THUMPD3: variants seen among roughly 807,000 people sequenced by gnomAD.
THUMPD3 encodes tRNA (guanine(6)-N(2))-methyltransferase THUMP3.
THUMPD3 carries 44 observed loss-of-function variants against 54.5 expected under a neutral mutation model. The observed-to-expected ratio is 0.81, with a 90% CI of 0.63 to 1.04. The LOEUF (loss-of-function observed/expected upper bound fraction) is 1.04, where lower values mean the gene tolerates loss of function less well. Ranked by LOEUF, THUMPD3 falls within the 50% of genes least tolerant of loss-of-function variation. THUMPD3 has a pLI of 0.00. For synonymous variants in THUMPD3, 196 were observed against 201.4 expected (o/e 0.97, Z 0.23); for missense variants, 604 against 601.3 (o/e 1.00, Z -0.05).
In THUMPD3 at chr3:9,384,811, C is replaced by T. The variant is rs1353138116; in HGVS notation, c.*123C>T. Reference sequence around the variant, plus strand: ...TTTAAACCTGTTTAAGGCTCTTCATCCTGGTTAGCAAAAGGTGTGAATGTA... The same window carrying T: ...TTTAAACCTGTTTAAGGCTCTTCATTCTGGTTAGCAAAAGGTGTGAATGTA... On this transcript the variant is annotated 3_prime_UTR_variant, in exon 10 of 10. Coordinates refer to ENST00000452837, the MANE Select transcript of THUMPD3 (RefSeq NM_001114092.2). 1 of 1,131,944 alleles carries T rather than the reference C, an allele frequency of 8.8e-7. No homozygotes were observed. Among genetic ancestry groups the T allele is most frequent in the Non-Finnish European group, 1.2e-6 (1 of 800,532 alleles). The allele number at this position is 1,131,944 out of a possible 1,614,324, so 70.1% of individuals were successfully genotyped here. A position where few individuals can be genotyped will look rare whatever the true frequency, so the allele number is the denominator to read the frequency against.
intron 1 of THUMPD3, among the ~76,000 whole-genome samples, chr3:9,364,726 G>A (rs566945859): frequency 4.6e-5 from 7 of 152,352 alleles, no homozygotes; most frequent in East Asian, 1.9e-4. Context: ...AGTTTCTGTC[G>A]TAGTTATGAA....
chr3:9,384,736 A>G lies in THUMPD3; in HGVS notation c.*48A>G, dbSNP rs2033213612. 1.9e-6 allele frequency: 3 copies of G among 1,606,310 alleles called. No individual in the cohort carries two copies. Among genetic ancestry groups the G allele is most frequent in the Non-Finnish European group, 2.6e-6 (3 of 1,174,728 alleles). On this transcript the variant is annotated 3_prime_UTR_variant, in exon 10 of 10. Transcript: ENST00000452837. The stretch of plus-strand genomic sequence containing the variant: ...TTCCCACCACTGGAAATGTTAGCAT[A>G]AAAGAACTTGGAGAGGAAAAAAGTA...
chr3:9,384,510 T>TG lies in THUMPD3; in HGVS notation c.1360-14_1360-13insG, dbSNP rs374845228. On this transcript the variant is annotated splice_polypyrimidine_tract_variant and intron_variant, in intron 9 of 9. Transcript: ENST00000452837. ...ATTGTCAACCTAATTGTTATTTTTT[T>TG]TGTGTGTACACAGGCGTTATCTGGA... 188 of 1,613,882 alleles carry TG rather than the reference T, an allele frequency of 1.2e-4. No individual in the cohort carries two copies. The African/African-American group carries it at 2.3e-3, about 19-fold the overall frequency.
intron 4 of THUMPD3, among the ~76,000 whole-genome samples, chr3:9,373,827 C>T (rs556778209): frequency 2.2e-4 from 33 of 152,216 alleles, no homozygotes; most frequent in African/African-American, 7.9e-4. Context: ...TGTCCTCCCA[C>T]CTCAGCCTCC....
rs1225626248 is a variant in THUMPD3, at chr3:9,374,754, G to C, written c.938+108G>C. ...GTGTTTGAGGTACTGTGTTGGAATA[G>C]AGTGGATAAAGAATAGAATGGAAAG... is the stretch of plus-strand genomic sequence containing the variant. On this transcript the variant is annotated intron_variant, in intron 5 of 9. Coordinates refer to ENST00000452837, the MANE Select transcript of THUMPD3 (RefSeq NM_001114092.2). The C allele has an allele frequency of 9.4e-5, 118 of 1,261,690 alleles. No individual in the cohort carries two copies. In the East Asian group the frequency reaches 2.7e-3, roughly 28 times the overall value. 78.2% of individuals were successfully genotyped at this position (1,261,690 alleles called of 1,614,324 possible).
rs917257950 is a variant in THUMPD3, at chr3:9,384,916, T to C, written c.*228T>C. 16 of 486,982 alleles carry C rather than the reference T, an allele frequency of 3.3e-5. No individual in the cohort carries two copies. The highest frequency in any genetic ancestry group is 1.4e-4 in the African/African-American group (7 of 51,416). The allele number at this position is 486,982 out of a possible 1,614,324, so 30.2% of individuals were successfully genotyped here. The stretch of plus-strand genomic sequence containing the variant: ...ATTCCAGCAGTTTAGGAAGCCGAAG[T>C]GTGCAGATCACCTGAGGTCCGGAGA... On this transcript the variant is annotated 3_prime_UTR_variant, in exon 10 of 10. Coordinates refer to ENST00000452837, the MANE Select transcript of THUMPD3 (RefSeq NM_001114092.2).
intron 2 of THUMPD3, among the ~76,000 whole-genome samples, chr3:9,366,573 A>G (rs1327684630): frequency 1.3e-5 from 2 of 152,180 alleles, no homozygotes; most frequent in Non-Finnish European, 1.5e-5. Flanking sequence ...GCTTTTAACC[A>G]TTGCAGCATA....
rs773373871 is a variant in THUMPD3 at position 9,384,281 on chromosome 3, A to G, written c.1305A>G (p.Thr435=). The G allele has an allele frequency of 3.1e-6, 5 of 1,614,048 alleles. No individual in the cohort carries two copies. The East Asian group carries it at 8.9e-5, about 29-fold the overall frequency. ...ACLREMSRVC[T]PTTGRAVLLT... ...TACGGGAGATGAGCCGTGTCTGCAC[A>G]CCTACCACAGGCCGAGCTGTACTAC... is the stretch of plus-strand genomic sequence containing the variant. Residue 435 remains threonine, a synonymous_variant, in exon 9 of 10, where the codon ACA becomes ACG. Coordinates refer to ENST00000452837, the MANE Select transcript of THUMPD3 (RefSeq NM_001114092.2).
chr3:9,376,707 T>C (rs186303928), intron 5 of THUMPD3, among the ~76,000 whole-genome samples: 3 of 152,240 alleles, frequency 2.0e-5, no homozygotes, highest in Admixed American at 6.5e-5. Context: ...ATGAAAAGAT[T>C]AGAAGAACAA....
chr3:9,374,311 A>C (rs536097700), intron 4 of THUMPD3, among the ~76,000 whole-genome samples: 1 of 152,256 alleles, frequency 6.6e-6, no homozygotes, highest in African/African-American at 2.4e-5. Context: ...TAAATGTCTT[A>C]ACTTTTTAGA....
At chr3:9,380,162 G>C (rs903584141) in intron 6 of THUMPD3, among the ~76,000 whole-genome samples, 1 of 152,168 alleles carries the variant, frequency 6.6e-6, no homozygotes, top group Non-Finnish European at 1.5e-5. Context: ...TCCCAGGTTA[G>C]TTGAGAGGCA....
chr3:9,371,116 C>G lies in THUMPD3; in HGVS notation c.387C>G (p.Pro129=). 6.2e-7 allele frequency: 1 copy of G among 1,607,082 alleles called. No individual in the cohort carries two copies. Among genetic ancestry groups the G allele is most frequent in the Non-Finnish European group, 8.5e-7 (1 of 1,178,490 alleles). Residue 129 remains proline, a synonymous_variant, in exon 4 of 10, where the codon CCC becomes CCG. Transcript: ENST00000452837. ...CTGGAAAACTCCCATGGTCAAACCCCTTAAAAGTGTGGAAAATTAATGCCA... is the reference window on the plus strand; with the variant it reads ...CTGGAAAACTCCCATGGTCAAACCCGTTAAAAGTGTGGAAAATTAATGCCA... ...DLAGKLPWSN[P]LKVWKINASF... is the part of the protein sequence containing the mutation.
rs2032447157 is a variant in THUMPD3 at position 9,376,212 on chromosome 3, T to A, written c.938+1566T>A. Among the ~76,000 whole-genome samples the A allele has an allele frequency of 5.9e-5, 9 of 152,250 alleles. No individual in the cohort carries two copies. In the South Asian group the frequency reaches 1.7e-3, roughly 28 times the overall value. ...GCCAGAGAGGGGTTTATTGGAAAGA[T>A]AAAGAGAAATCTTGGGGATTCTACA... On this transcript the variant is annotated intron_variant, in intron 5 of 9. Coordinates refer to ENST00000452837, the MANE Select transcript of THUMPD3 (RefSeq NM_001114092.2).
intron 5 of THUMPD3, among the ~76,000 whole-genome samples, chr3:9,375,145 C>T (rs907684998): frequency 9.2e-5 from 14 of 152,174 alleles, no homozygotes; most frequent in African/African-American, 2.7e-4. Context: ...GTGTAAGCCA[C>T]CGCGCCCGGT....
At chr3:9,364,497 C>T (rs1036990695) in intron 1 of THUMPD3, among the ~76,000 whole-genome samples, 7 of 152,284 alleles carry the variant, frequency 4.6e-5, no homozygotes, top group African/African-American at 1.7e-4. Flanking sequence ...CAGGCTCCCA[C>T]CACCACACCT....
At chr3:9,368,804 C>T (rs2031781488) in intron 3 of THUMPD3, among the ~76,000 whole-genome samples, 2 of 152,202 alleles carry the variant, frequency 1.3e-5, no homozygotes, top group South Asian at 4.1e-4. Context: ...TATCCTCATG[C>T]TATGCAGCTC....
chr3:9,382,491 A>G (rs2033003866), intron 7 of THUMPD3, among the ~76,000 whole-genome samples: 1 of 152,104 alleles, frequency 6.6e-6, no homozygotes, highest in African/African-American at 2.4e-5. Flanking sequence ...ACAATTACCT[A>G]TATATTTGCC....
At position 9,371,317 on chromosome 3, in the gene THUMPD3, T is replaced by C. The variant is rs1238271105; in HGVS notation, c.588T>C (p.Asp196=). ...DYYENPAIKE[D]VSTLIGDDLA... ...ATGAAAATCCAGCCATCAAAGAGGA[T>C]GTATCAACATTAATAGGTGATGATT... The change falls in exon 4 of 10, where the codon GAT becomes GAC. Residue 196 remains aspartate (D), a synonymous_variant. Coordinates refer to ENST00000452837, the MANE Select transcript of THUMPD3 (RefSeq NM_001114092.2). 1 of 1,614,140 alleles carries C rather than the reference T, an allele frequency of 6.2e-7. No homozygotes were observed. Among genetic ancestry groups the C allele is most frequent in the African/African-American group, 1.3e-5 (1 of 75,054 alleles).
At chr3:9,367,259 T>C (rs990773858) in intron 3 of THUMPD3, among the ~76,000 whole-genome samples, 1 of 152,256 alleles carries the variant, frequency 6.6e-6, no homozygotes, top group East Asian at 1.9e-4. Context: ...GCTTTGCTTT[T>C]ACATATATTT....
Sources: gnomAD v4.1 joint callset for allele counts (sites outside exome capture counted in the v4.1 genomes callset) on GRCh38, gnomAD v4.1.1 for gene constraint, MANE v1.5 for transcripts, NCBI Gene and HGNC (gene_info 2026-07-23, HGNC 2026-07-21) for gene names.